The following PTPRD variants were observed in gnomAD, a reference collection of about 807,000 sequenced individuals.
The protein encoded by PTPRD is receptor-type tyrosine-protein phosphatase delta.
Under a neutral mutation model 214.5 loss-of-function variants are expected in PTPRD, and 34 were observed. The observed-to-expected ratio is 0.16, with a 90% CI of 0.12 to 0.21. The LOEUF is 0.21. PTPRD is among the 10% of genes least tolerant of loss of function. PTPRD has a pLI of 1.00. For missense variants in PTPRD, 2,545 were observed against 2,398.7 expected (o/e 1.06, Z -1.27); for synonymous variants, 1,128 against 845.7 (o/e 1.33, Z -5.79).
chr9:9,535,882 G>T (rs2076420805), intron 8 of PTPRD, among the ~76,000 whole-genome samples: 1 of 152,030 alleles, frequency 6.6e-6, no homozygotes, highest in African/African-American at 2.4e-5. Flanking sequence ...AGGAGAAATG[G>T]TAATGCCAAT....
chr9:9,347,862 C>T (rs1403895020), intron 9 of PTPRD, among the ~76,000 whole-genome samples: 1 of 152,148 alleles, frequency 6.6e-6, no homozygotes, highest in African/African-American at 2.4e-5. Flanking sequence ...ATCATCACTA[C>T]TGTGGCACAC....
chr9:10,277,066 G>A (rs373504032), intron 3 of PTPRD, among the ~76,000 whole-genome samples: 158 of 152,268 alleles, frequency 1.0e-3, no homozygotes, highest in African/African-American at 3.7e-3. Context: ...TCCACCAGGT[G>A]GCAAAGACCC....
At chr9:10,333,262 G>C (rs180706167) in intron 3 of PTPRD, among the ~76,000 whole-genome samples, 1 of 151,760 alleles carries the variant, frequency 6.6e-6, no homozygotes, top group Non-Finnish European at 1.5e-5. Flanking sequence ...CTCCCTGAAA[G>C]GGGGGTTGAA....
intron 3 of PTPRD, among the ~76,000 whole-genome samples, chr9:10,260,685 T>C (rs2093633269): frequency 6.6e-6 from 1 of 152,140 alleles, no homozygotes; most frequent in African/African-American, 2.4e-5. Flanking sequence ...GACATGAGAA[T>C]ATTCTACATT....
rs1047382928 is a variant in PTPRD at position 8,613,527 on chromosome 9, ACTCT to A, written c.352+19786_352+19789del. Among the ~76,000 whole-genome samples the A allele has an allele frequency of 2.4e-4, 36 of 152,028 alleles. 1 individual carries two copies. The East Asian group carries it at 4.1e-3, about 17-fold the overall frequency. ...AGATTAAAATATCATAGCATCACAG[ACTCT>A]CTGACATCATCATGCTGTGTTTTTT... On this transcript the variant is annotated intron_variant, in intron 14 of 45. Transcript: ENST00000381196.
At chr9:9,610,840 A>G (rs1462844195) in intron 7 of PTPRD, among the ~76,000 whole-genome samples, 1 of 152,204 alleles carries the variant, frequency 6.6e-6, no homozygotes, top group Non-Finnish European at 1.5e-5. Context: ...AACAATATTT[A>G]TTAGTAAAAG....
At chr9:10,416,068 C>A (rs1451438830) in intron 2 of PTPRD, among the ~76,000 whole-genome samples, 3 of 151,808 alleles carry the variant, frequency 2.0e-5, no homozygotes, top group African/African-American at 7.2e-5. Context: ...ACAAAACAAG[C>A]AGGACATGGT....
intron 8 of PTPRD, among the ~76,000 whole-genome samples, chr9:9,567,878 G>A (rs1180307991): frequency 2.0e-5 from 3 of 151,922 alleles, no homozygotes. Flanking sequence ...GTATTTGCTG[G>A]CAATAGGCAG....
intron 10 of PTPRD, among the ~76,000 whole-genome samples, chr9:9,090,230 C>G (rs1187978379): frequency 1.3e-5 from 2 of 152,174 alleles, no homozygotes; most frequent in Non-Finnish European, 2.9e-5. Context: ...CCCTTCTCAG[C>G]CTCTGGTAGC....
intron 2 of PTPRD, among the ~76,000 whole-genome samples, chr9:10,542,790 C>A (rs1024387067): frequency 6.6e-6 from 1 of 152,108 alleles, no homozygotes; most frequent in African/African-American, 2.4e-5. Context: ...GTGATCTTGG[C>A]TCACCACAAC....
chr9:10,053,246 G>A (rs1253369543), intron 3 of PTPRD, among the ~76,000 whole-genome samples: 1 of 152,144 alleles, frequency 6.6e-6, no homozygotes, highest in Non-Finnish European at 1.5e-5. Flanking sequence ...AGCATTGAAA[G>A]CTGTTTGAAG....
chr9:8,345,539 T>G (rs1856750860), intron 39 of PTPRD, among the ~76,000 whole-genome samples: 1 of 152,012 alleles, frequency 6.6e-6, no homozygotes, highest in Admixed American at 6.6e-5. Flanking sequence ...AGGACACTAG[T>G]CAAGGGAGTA....
At position 9,759,311 on chromosome 9, in the gene PTPRD, C is replaced by A. The variant is rs545078309; in HGVS notation, c.-326+7499G>T. ...TGTACCATTGGTAAACTGGCACTGA[C>A]TGCCGCAAACCCCAGCCCCTAGTGC... On this transcript the variant is annotated intron_variant, in intron 6 of 45. Coordinates refer to ENST00000381196, the MANE Select transcript of PTPRD (RefSeq NM_002839.4). 1.8e-4 allele frequency among the ~76,000 whole-genome samples: 28 copies of A among 152,186 alleles called. No individual in the cohort carries two copies. In the South Asian group the frequency reaches 5.8e-3, roughly 32 times the overall value.
chr9:9,020,974 C>G (rs927273841), intron 10 of PTPRD, among the ~76,000 whole-genome samples: 1 of 152,106 alleles, frequency 6.6e-6, no homozygotes, highest in Non-Finnish European at 1.5e-5. Context: ...AGACTACTTT[C>G]TAATCCTTAC....
chr9:10,110,054 T>C (rs567584903), intron 3 of PTPRD, among the ~76,000 whole-genome samples: 1 of 152,116 alleles, frequency 6.6e-6, no homozygotes, highest in Non-Finnish European at 1.5e-5. Flanking sequence ...AAAATGTAGA[T>C]GCTATAATTT....
At position 10,598,396 on chromosome 9, in the gene PTPRD, C is replaced by T. The variant is rs1223423242; in HGVS notation, c.-600+14002G>A. On this transcript the variant is annotated intron_variant, in intron 2 of 45. Coordinates refer to ENST00000381196, the MANE Select transcript of PTPRD (RefSeq NM_002839.4). The stretch of plus-strand genomic sequence containing the variant: ...ACCAATACAGCAAATGCAGATACAG[C>T]AGCATGGAAGGGACATAATGGTAAA... Among the ~76,000 whole-genome samples the T allele has an allele frequency of 2.6e-5, 4 of 151,784 alleles. No homozygotes were observed. The South Asian group carries it at 8.3e-4, about 32-fold the overall frequency.
chr9:8,425,172 T>C (rs914711468), intron 35 of PTPRD, among the ~76,000 whole-genome samples: 2 of 152,210 alleles, frequency 1.3e-5, no homozygotes, highest in African/African-American at 2.4e-5. Context: ...ATCCCTATGA[T>C]GCTGGGTTAC....
chr9:9,599,172 T>A (rs1423104325), intron 7 of PTPRD, among the ~76,000 whole-genome samples: 1 of 152,002 alleles, frequency 6.6e-6, no homozygotes, highest in Non-Finnish European at 1.5e-5. Context: ...AAAGGTGACA[T>A]TATATGAGTG....
intron 7 of PTPRD, among the ~76,000 whole-genome samples, chr9:9,673,822 G>A (rs1445465236): frequency 1.3e-5 from 2 of 151,352 alleles, no homozygotes; most frequent in Non-Finnish European, 3.0e-5. Flanking sequence ...AAGGAAAAAT[G>A]AGTGGGCTGA....
Sources: allele counts gnomAD v4.1 joint callset (sites outside exome capture counted in the v4.1 genomes callset), GRCh38; gene constraint gnomAD v4.1.1; transcripts MANE v1.5; gene names NCBI Gene and HGNC (gene_info 2026-07-23, HGNC 2026-07-21).